Variants in CPAMD8 observed in about 807,000 individuals in gnomAD.
The protein encoded by CPAMD8 is C3 and PZP like alpha-2-macroglobulin domain containing 8.
In CPAMD8, 146 loss-of-function variants were observed where a neutral mutation model predicts 224.7. The ratio of observed to expected loss-of-function variants is 0.65; its 90% CI spans 0.57 to 0.75. The LOEUF is 0.75. Among genes scored for constraint, CPAMD8 ranks in the 30% least tolerant of loss-of-function variants. CPAMD8 has a pLI of 0.00. For missense variants in CPAMD8, 2,301 were observed against 2,537.5 expected, an observed-to-expected ratio of 0.91 and a Z score of 2.00; for synonymous variants, 966 against 1,044.6, an observed-to-expected ratio of 0.92 and a Z score of 1.45.
chr19:17,014,041 T>TCTCTC (rs2056743666), intron 3 of CPAMD8, among the ~76,000 whole-genome samples: 3 of 146,520 alleles, frequency 2.0e-5, no homozygotes, highest in Admixed American at 7.1e-5. Context: ...CTTTCTTTCT[T>TCTCTC]TCTCTTTCTC....
At chr19:16,991,620 C>A (rs148021514) in intron 12 of CPAMD8, among the ~76,000 whole-genome samples, 2 of 151,990 alleles carry the variant, frequency 1.3e-5, no homozygotes, top group East Asian at 1.9e-4. Flanking sequence ...TTTGGGAGGC[C>A]GAGGCAGGTG....
chr19:16,989,047 G>A (rs778096721), intron 13 of CPAMD8, among the ~76,000 whole-genome samples: 2 of 152,156 alleles, frequency 1.3e-5, no homozygotes, highest in African/African-American at 2.4e-5. Context: ...AGACGGGACT[G>A]TCTAGTTGCA....
chr19:16,933,597 C>G (rs909387058), intron 23 of CPAMD8, among the ~76,000 whole-genome samples: 1 of 152,058 alleles, frequency 6.6e-6, no homozygotes, highest in Non-Finnish European at 1.5e-5. Context: ...TGCTTAAGAT[C>G]ATCAGTCATG....
At chr19:16,893,695 G>T (rs981544329) in intron 41 of CPAMD8, 6 of 227,674 alleles carry the variant, frequency 2.6e-5, no homozygotes, top group Non-Finnish European at 4.3e-5. Context: ...CTGGGAGTGG[G>T]CTGGTCCTCT....
chr19:17,007,233 C>T (rs142176700), intron 7 of CPAMD8, among the ~76,000 whole-genome samples: 196 of 152,112 alleles, frequency 1.3e-3, no homozygotes, highest in African/African-American at 4.5e-3. Context: ...ACTTGGGAAG[C>T]TGAGGCAGGA....
chr19:16,932,577 A>G (rs1478788012), intron 23 of CPAMD8, among the ~76,000 whole-genome samples: 1 of 151,908 alleles, frequency 6.6e-6, no homozygotes, highest in African/African-American at 2.4e-5. Flanking sequence ...AGGAAGCTTC[A>G]ATAATAAACT....
At position 16,941,945 on chromosome 19, in the gene CPAMD8, C is replaced by T. The variant is rs193282917; in HGVS notation, c.2794-3499G>A. On this transcript the variant is annotated intron_variant, in intron 22 of 41. Coordinates refer to ENST00000443236, the MANE Select transcript of CPAMD8 (RefSeq NM_015692.5). ...CTGAGATCATGCCATTGCACTCCAG[C>T]GTGGCGACAGAGCGAGACTCCATCT... 2.0e-3 allele frequency among the ~76,000 whole-genome samples: 312 copies of T among 152,248 alleles called. 2 individuals are homozygous for T. The highest frequency in any genetic ancestry group is 3.9e-4 in the East Asian group (2 of 5,182).
intron 11 of CPAMD8, among the ~76,000 whole-genome samples, chr19:16,993,871 C>T (rs1306129046): frequency 6.6e-6 from 1 of 152,176 alleles, no homozygotes; most frequent in African/African-American, 2.4e-5. Context: ...GATGCAGTGG[C>T]TCACACCTAT....
At chr19:16,958,597 T>G (rs922832404) in intron 18 of CPAMD8, among the ~76,000 whole-genome samples, 3 of 152,208 alleles carry the variant, frequency 2.0e-5, no homozygotes, top group African/African-American at 7.2e-5. Flanking sequence ...TGCATGGGTC[T>G]TTATGGTAGA....
At chr19:16,990,185 C>T (rs2055890265) in intron 12 of CPAMD8, among the ~76,000 whole-genome samples, 1 of 151,974 alleles carries the variant, frequency 6.6e-6, no homozygotes, top group African/African-American at 2.4e-5. Context: ...ACCCAGGAGG[C>T]AGAGGCTGCA....
At chr19:16,937,334 T>C (rs1352656533) in intron 23 of CPAMD8, among the ~76,000 whole-genome samples, 3 of 152,172 alleles carry the variant, frequency 2.0e-5, no homozygotes, top group South Asian at 2.1e-4. Context: ...GTTTGTTTAA[T>C]TTTTTGTAGA....
intron 18 of CPAMD8, among the ~76,000 whole-genome samples, chr19:16,964,853 TC>T (rs1170785135): frequency 6.6e-6 from 1 of 152,210 alleles, no homozygotes; most frequent in Non-Finnish European, 1.5e-5. Context: ...CACGATCAAG[TC>T]AGCTTCATCT....
intron 1 of CPAMD8, among the ~76,000 whole-genome samples, chr19:17,024,745 G>A (rs1599943707): frequency 6.6e-6 from 1 of 152,216 alleles, no homozygotes; most frequent in African/African-American, 2.4e-5. Context: ...CCTAGCATCT[G>A]GGCCAACACT....
chr19:16,947,311 C>G (rs1030737755), intron 20 of CPAMD8, 84 bp from the exon 21 acceptor site: 1 of 1,479,538 alleles, frequency 6.8e-7, no homozygotes, highest in Non-Finnish European at 9.2e-7. Flanking sequence ...TCCCACCACT[C>G]ACTGCACACA....
At position 16,952,035 on chromosome 19, in the gene CPAMD8, G is replaced by A; in HGVS notation, c.2442C>T (p.Leu814=). ...PFFVDFMLPA[L]IIRGEQVKIP... ...TCTTGACCTGCTCCCCACGGATGAT[G>A]AGAGCGGGGAGCATGAAGTCCACGA... is the stretch of plus-strand genomic sequence containing the variant. Residue 814 remains leucine (L), a synonymous_variant, in exon 20 of 42, where the codon CTC becomes CTT. Coordinates refer to ENST00000443236, the MANE Select transcript of CPAMD8 (RefSeq NM_015692.5). The A allele has an allele frequency of 6.3e-7, 1 of 1,583,312 alleles. No individual in the cohort carries two copies. Among genetic ancestry groups the A allele is most frequent in the Non-Finnish European group, 8.6e-7 (1 of 1,163,132 alleles).
At position 16,929,250 on chromosome 19, in the gene CPAMD8, G is replaced by A; in HGVS notation, c.2846-10C>T. On this transcript the variant is annotated splice_polypyrimidine_tract_variant and intron_variant, in intron 23 of 41. Coordinates refer to ENST00000443236, the MANE Select transcript of CPAMD8 (RefSeq NM_015692.5). ...GAGATGTGGACTCTCTCTGGATGGA[G>A]GAAAGGAGATGGGGAGTTGAGAGGG... is the stretch of plus-strand genomic sequence containing the variant. The A allele has an allele frequency of 1.3e-6, 2 of 1,588,016 alleles. No homozygotes were observed. Among genetic ancestry groups the A allele is most frequent in the Non-Finnish European group, 1.7e-6 (2 of 1,162,546 alleles).
chr19:16,897,974 C>G lies in CPAMD8; in HGVS notation c.4869G>C (p.Thr1623=). The G allele has an allele frequency of 6.2e-7, 1 of 1,610,862 alleles. No homozygotes were observed. The highest frequency in any genetic ancestry group is 1.1e-5 in the South Asian group (1 of 90,880). The change falls in exon 38 of 42, where the codon ACG becomes ACC. Residue 1623 remains threonine (T), a synonymous_variant. Transcript: ENST00000443236. ...YFDEIPSRCL[T]CVRFRALREC... Reference sequence around the variant, plus strand: ...CCCGGAGAGCACGGAACCGCACGCACGTCAGGCACCGGCTGGGGATCTGTG... The same window carrying G: ...CCCGGAGAGCACGGAACCGCACGCAGGTCAGGCACCGGCTGGGGATCTGTG...
chr19:16,975,212 A>C lies in CPAMD8; in HGVS notation c.1955T>G (p.Val652Gly), dbSNP rs1446893367. ...CCAAAAAGGACCATCCTCCCTGGAC[A>C]CGCCAAAGGAATCAGAAACATCATA... ...EDYDVSDSFG[V>G]SREDGPFWWA... The change falls in exon 17 of 42, where the codon GTG becomes GGG. Residue 652 changes from valine to glycine, a missense_variant. Val to Gly is a moderately radical substitution (Grantham distance 109, BLOSUM62 -3). Coordinates refer to ENST00000443236, the MANE Select transcript of CPAMD8 (RefSeq NM_015692.5). 5 of 1,610,192 alleles carry C rather than the reference A, an allele frequency of 3.1e-6. No homozygotes were observed. The highest frequency in any genetic ancestry group is 4.2e-6 in the Non-Finnish European group (5 of 1,178,268).
At chr19:16,981,230 AC>A (rs1034737626) in intron 13 of CPAMD8, among the ~76,000 whole-genome samples, 15 of 152,118 alleles carry the variant, frequency 9.9e-5, no homozygotes, top group Non-Finnish European at 7.4e-5. Flanking sequence ...GCGTGGTGGC[AC>A]ATGCCTGTAG....
Sources: gnomAD v4.1 joint callset for allele counts (sites outside exome capture counted in the v4.1 genomes callset) on GRCh38, gnomAD v4.1.1 for gene constraint, MANE v1.5 for transcripts, NCBI Gene and HGNC (gene_info 2026-07-23, HGNC 2026-07-21) for gene names.